Variants in DSCAM observed in about 807,000 individuals in gnomAD.
DSCAM encodes the protein DS cell adhesion molecule.
In DSCAM, 47 loss-of-function variants were observed where a neutral mutation model predicts 217.7. The ratio of observed to expected loss-of-function variants is 0.22; its 90% confidence interval spans 0.17 to 0.28. The LOEUF (loss-of-function observed/expected upper bound fraction) is 0.28, where lower values mean the gene tolerates loss of function less well. DSCAM is among the 10% of genes least tolerant of loss of function. The pLI is 1.00. For missense variants in DSCAM, 2,080 were observed against 2,618.3 expected (o/e 0.79, Z 4.49); for synonymous variants, 1,056 against 1,015.3 (o/e 1.04, Z -0.76).
rs376233348 is a variant in DSCAM, at chr21:40,520,272, C to T, written c.509-151027G>A. 4.6e-4 allele frequency among the ~76,000 whole-genome samples: 70 copies of T among 152,148 alleles called. 1 individual carries two copies. In the South Asian group the frequency reaches 0.014, roughly 31 times the overall value. ...AGAGGCACACAGGTCAGTAGTTATACCTTACTTTAAATACCATCTTTCTTC... is the reference window on the plus strand; with the variant it reads ...AGAGGCACACAGGTCAGTAGTTATATCTTACTTTAAATACCATCTTTCTTC... On this transcript the variant is annotated intron_variant, in intron 3 of 32. Transcript: ENST00000400454.
At chr21:40,240,221 G>A (rs1343532244) in intron 11 of DSCAM, among the ~76,000 whole-genome samples, 1 of 152,264 alleles carries the variant, frequency 6.6e-6, no homozygotes, top group South Asian at 2.1e-4. Context: ...AGCCAGGCAG[G>A]TGAAGGCTGG....
At chr21:40,517,059 GTA>G (rs554763917) in intron 3 of DSCAM, among the ~76,000 whole-genome samples, 3 of 145,844 alleles carry the variant, frequency 2.1e-5, no homozygotes, top group Non-Finnish European at 3.0e-5. Flanking sequence ...TATACTCTGT[GTA>G]TATATATACA....
rs1048332473 is a variant in DSCAM at position 40,754,657 on chromosome 21, A to G, written c.44-45886T>C. On this transcript the variant is annotated intron_variant, in intron 1 of 32. Coordinates refer to ENST00000400454, the MANE Select transcript of DSCAM (RefSeq NM_001389.5). ...TCTCAGGCACTTTCACCTGCCAAAG[A>G]GAGTCCTTAGGGGAAGTGTTGCTAC... Among the ~76,000 whole-genome samples, 8 of 152,290 alleles carry G rather than the reference A, an allele frequency of 5.3e-5. No individual in the cohort carries two copies. The East Asian group carries it at 1.2e-3, about 22-fold the overall frequency.
intron 3 of DSCAM, among the ~76,000 whole-genome samples, chr21:40,461,763 C>T (rs181588400): frequency 7.8e-4 from 118 of 152,198 alleles, no homozygotes; most frequent in African/African-American, 2.7e-3. Flanking sequence ...GCATCAGAGC[C>T]GGCGATGCAA....
chr21:40,026,397 G>A (rs1275529801), intron 32 of DSCAM, among the ~76,000 whole-genome samples: 1 of 140,008 alleles, frequency 7.1e-6, no homozygotes, highest in Non-Finnish European at 1.6e-5. Context: ...TCCACTTGAT[G>A]CAGAGCTGAG....
intron 11 of DSCAM, among the ~76,000 whole-genome samples, chr21:40,205,872 C>T (rs9984694): frequency 0.51 from 77,355 of 151,948 alleles, 20,115 homozygotes; most frequent in African/African-American, 0.63. Flanking sequence ...TATAGTTTCT[C>T]CTGAAGAAAG....
At chr21:40,126,277 G>A (rs1707746895) in intron 19 of DSCAM, among the ~76,000 whole-genome samples, 1 of 151,170 alleles carries the variant, frequency 6.6e-6, no homozygotes, top group African/African-American at 2.4e-5. Flanking sequence ...AAAAAGAAAG[G>A]AAGGAAGGAA....
chr21:40,314,665 T>C (rs988204301), intron 8 of DSCAM, among the ~76,000 whole-genome samples: 3 of 152,192 alleles, frequency 2.0e-5, no homozygotes, highest in Non-Finnish European at 4.4e-5. Context: ...TTCCTCCCCT[T>C]TGATTTCCTG....
intron 1 of DSCAM, among the ~76,000 whole-genome samples, chr21:40,728,153 G>A (rs778009081): frequency 6.6e-6 from 1 of 152,074 alleles, no homozygotes; most frequent in African/African-American, 2.4e-5. Context: ...TAGTGCACTC[G>A]ATCATTTACC....
chr21:40,736,755 C>T (rs1261876765), intron 1 of DSCAM, among the ~76,000 whole-genome samples: 1 of 152,152 alleles, frequency 6.6e-6, no homozygotes, highest in Non-Finnish European at 1.5e-5. Context: ...GATTGTCAAG[C>T]CCAAGCTTCT....
intron 10 of DSCAM, among the ~76,000 whole-genome samples, chr21:40,285,040 A>G (rs916742510): frequency 1.3e-5 from 2 of 152,234 alleles, no homozygotes; most frequent in African/African-American, 4.8e-5. Context: ...TTATGTAACT[A>G]ATACATAAGA....
At chr21:40,121,724 C>G (rs148554817) in intron 20 of DSCAM, among the ~76,000 whole-genome samples, 209 of 106,984 alleles carry the variant, frequency 2.0e-3, no homozygotes, top group African/African-American at 7.8e-3. Context: ...GAGTCTTGCT[C>G]TGTTGCCCAG....
Position 40,563,710 on chromosome 21 carries a change from AGT to A in DSCAM, c.508+129098_508+129099del, listed in dbSNP as rs1183339946. Among the ~76,000 whole-genome samples, 16 of 144,964 alleles carry A rather than the reference AGT, an allele frequency of 1.1e-4. No individual in the cohort carries two copies. In the South Asian group the frequency reaches 2.5e-3, roughly 23 times the overall value. ...TATATATAGTTATATGTGTGTATAT[AGT>A]TATGTTTATATATGTTTATATGTTT... On this transcript the variant is annotated intron_variant, in intron 3 of 32. Transcript: ENST00000400454.
intron 20 of DSCAM, 79 bp from the exon 21 acceptor site, chr21:40,093,953 ACAT>A: frequency 6.9e-7 from 1 of 1,456,874 alleles, no homozygotes; most frequent in Non-Finnish European, 9.4e-7. Context: ...ATGGTCATGA[ACAT>A]ATTAAATATC....
At chr21:40,760,308 G>C (rs560666845) in intron 1 of DSCAM, among the ~76,000 whole-genome samples, 1 of 152,028 alleles carries the variant, frequency 6.6e-6, no homozygotes, top group African/African-American at 2.4e-5. Flanking sequence ...GAGCCACTAC[G>C]CCCAGCCACA....
chr21:40,397,823 C>A (rs976423429), intron 3 of DSCAM, among the ~76,000 whole-genome samples: 14 of 152,024 alleles, frequency 9.2e-5, no homozygotes, highest in Non-Finnish European at 4.4e-5. Flanking sequence ...ACCACCCCTA[C>A]TATCATCACT....
At chr21:40,360,014 A>T (rs2074740445) in intron 4 of DSCAM, among the ~76,000 whole-genome samples, 1 of 151,078 alleles carries the variant, frequency 6.6e-6, no homozygotes, top group African/African-American at 2.4e-5. Flanking sequence ...TTTATTTTAG[A>T]TATAGGCGGT....
chr21:40,227,920 C>G (rs2091347572), intron 11 of DSCAM, among the ~76,000 whole-genome samples: 1 of 152,156 alleles, frequency 6.6e-6, no homozygotes, highest in South Asian at 2.1e-4. Context: ...AGATCCCATC[C>G]AGGATCCCAT....
chr21:40,267,939 C>G (rs1286671860), intron 11 of DSCAM, among the ~76,000 whole-genome samples: 1 of 152,090 alleles, frequency 6.6e-6, no homozygotes, highest in Non-Finnish European at 1.5e-5. Context: ...TCTATGTATA[C>G]TGTATGTGTA....
Sources: gnomAD v4.1 joint callset for allele counts (sites outside exome capture counted in the v4.1 genomes callset) on GRCh38, gnomAD v4.1.1 for gene constraint, MANE v1.5 for transcripts, NCBI Gene and HGNC (gene_info 2026-07-23, HGNC 2026-07-21) for gene names.